The following GNAL variants were observed in gnomAD, a reference collection of about 807,000 sequenced individuals.
The protein encoded by GNAL is guanine nucleotide-binding protein G(olf) subunit alpha.
GNAL carries 18 observed loss-of-function variants against 55.1 expected under a neutral mutation model. That is an observed-to-expected ratio of 0.33 (90% CI 0.23 to 0.48). The LOEUF (loss-of-function observed/expected upper bound fraction) is 0.48, where lower values mean the gene tolerates loss of function less well. Among genes scored for constraint, GNAL ranks in the 20% least tolerant of loss-of-function variants. The pLI, the probability that GNAL is intolerant of heterozygous loss-of-function variation, is 0.99. For synonymous variants in GNAL, 253 were observed against 237.0 expected (o/e 1.07, Z -0.62); for missense variants, 412 against 614.1 (o/e 0.67, Z 3.48).
intron 5 of GNAL, among the ~76,000 whole-genome samples, chr18:11,850,311 C>T (rs2035829363): frequency 6.6e-6 from 1 of 152,150 alleles, no homozygotes; most frequent in Non-Finnish European, 1.5e-5. Flanking sequence ...TTCAGAAGGT[C>T]TTGTGTTGTG....
At position 11,865,293 on chromosome 18, in the gene GNAL, C is replaced by T. The variant is rs547653935; in HGVS notation, c.851+687C>T. On this transcript the variant is annotated intron_variant, in intron 7 of 11. Transcript: ENST00000334049. Reference sequence around the variant, plus strand: ...CCAAGCCCTCTGCCTATGACCAGCCCCGTCCCCAGGCCTGCTTTGTCCCCT... The same window carrying T: ...CCAAGCCCTCTGCCTATGACCAGCCTCGTCCCCAGGCCTGCTTTGTCCCCT... Among the ~76,000 whole-genome samples, 9 of 149,680 alleles carry T rather than the reference C, an allele frequency of 6.0e-5. No homozygotes were observed. The East Asian group carries it at 1.5e-3, about 26-fold the overall frequency.
chr18:11,729,238 G>A (rs779906994), intron 1 of GNAL, among the ~76,000 whole-genome samples: 5 of 152,144 alleles, frequency 3.3e-5, no homozygotes, highest in East Asian at 1.9e-4. Context: ...TTTCCTGAGC[G>A]GTTAGAAGGA....
chr18:11,869,090 C>T (rs1392232501), intron 9 of GNAL, among the ~76,000 whole-genome samples: 1 of 151,984 alleles, frequency 6.6e-6, no homozygotes, highest in Non-Finnish European at 1.5e-5. Context: ...CGAAGTATCT[C>T]TTTTAGTTCA....
At chr18:11,847,691 C>T (rs528109580) in intron 5 of GNAL, among the ~76,000 whole-genome samples, 57 of 152,028 alleles carry the variant, frequency 3.7e-4, no homozygotes, top group Middle Eastern at 3.4e-3. Context: ...TCAATGTTAA[C>T]GTGGTAGTTG....
intron 1 of GNAL, among the ~76,000 whole-genome samples, chr18:11,727,050 C>A (rs1351973501): frequency 1.3e-5 from 2 of 152,074 alleles, no homozygotes; most frequent in Admixed American, 1.3e-4. Flanking sequence ...TGTGCGTCCT[C>A]CACACCCCCA....
At chr18:11,784,318 T>C (rs1215729368) in intron 4 of GNAL, among the ~76,000 whole-genome samples, 1 of 152,220 alleles carries the variant, frequency 6.6e-6, no homozygotes, top group East Asian at 1.9e-4. Flanking sequence ...TCCCTTGTCA[T>C]CCACCATGGC....
At chr18:11,793,099 A>G (rs2034280723) in intron 4 of GNAL, among the ~76,000 whole-genome samples, 1 of 152,242 alleles carries the variant, frequency 6.6e-6, no homozygotes, top group South Asian at 2.1e-4. Context: ...TGGATTTGGC[A>G]GTGATTTCTT....
chr18:11,790,657 T>C (rs1443239663), intron 4 of GNAL, among the ~76,000 whole-genome samples: 3 of 55,088 alleles, frequency 5.4e-5, no homozygotes, highest in Non-Finnish European at 7.7e-5. Context: ...TTTTCTTTTT[T>C]TTTCTTTTTT....
intron 5 of GNAL, chr18:11,851,472 C>T: frequency 6.7e-7 from 1 of 1,494,706 alleles, no homozygotes; most frequent in Non-Finnish European, 8.9e-7. Flanking sequence ...CTTCGGCGCG[C>T]TTCTCAGCCG....
chr18:11,744,709 G>A (rs1206632445), intron 1 of GNAL, among the ~76,000 whole-genome samples: 4 of 152,106 alleles, frequency 2.6e-5, no homozygotes, highest in African/African-American at 9.7e-5. Context: ...TTCACCTTTC[G>A]TAAACTGTTT....
intron 1 of GNAL, among the ~76,000 whole-genome samples, chr18:11,749,100 T>C (rs1168271246): frequency 7.7e-6 from 1 of 129,810 alleles, no homozygotes; most frequent in Non-Finnish European, 1.5e-5. Flanking sequence ...CACTCCAGCC[T>C]GGGCAACAGA....
At chr18:11,852,733 C>G (rs1263467238) in intron 5 of GNAL, 3 of 166,212 alleles carry the variant, frequency 1.8e-5, no homozygotes, top group African/African-American at 7.3e-5. Flanking sequence ...TTGCATAATA[C>G]TCTCTTACTG....
Position 11,881,274 on chromosome 18 carries a change from T to A in GNAL, c.*139T>A. 1 of 805,176 alleles carries A rather than the reference T, an allele frequency of 1.2e-6. No homozygotes were observed. Among genetic ancestry groups the A allele is most frequent in the Non-Finnish European group, 1.9e-6 (1 of 524,206 alleles). The allele number at this position is 805,176 out of a possible 1,614,324, so 49.9% of individuals were successfully genotyped here. ...CTGTGTCGACCACCAAGCCTCTGGC[T>A]ACCTCTGTCCCCTCAGGTTTGGTTG... On this transcript the variant is annotated 3_prime_UTR_variant, in exon 12 of 12. Coordinates refer to ENST00000334049, the MANE Select transcript of GNAL (RefSeq NM_182978.4). This position sits in a 1 kb window ranked among gnomAD's most constrained non-coding sequence, Gnocchi z 4.8.
chr18:11,736,303 G>A (rs547242677), intron 1 of GNAL, among the ~76,000 whole-genome samples: 1 of 152,298 alleles, frequency 6.6e-6, no homozygotes, highest in African/African-American at 2.4e-5. Flanking sequence ...GCCAAGGCGG[G>A]AGGATCACTT....
intron 1 of GNAL, among the ~76,000 whole-genome samples, chr18:11,728,894 G>A (rs1285036388): frequency 1.3e-5 from 2 of 152,162 alleles, no homozygotes; most frequent in Non-Finnish European, 2.9e-5. Flanking sequence ...TTGGGAGCCT[G>A]CTGATGAAAG....
chr18:11,827,696 G>C (rs542194097), intron 5 of GNAL, among the ~76,000 whole-genome samples: 1 of 151,956 alleles, frequency 6.6e-6, no homozygotes, highest in South Asian at 2.1e-4. Flanking sequence ...AAATAGCTGG[G>C]TGTGGTGGCT....
At chr18:11,873,879 CCAGGCCCTTCCCT>C (rs951138934) in intron 10 of GNAL, among the ~76,000 whole-genome samples, 1 of 152,188 alleles carries the variant, frequency 6.6e-6, no homozygotes, top group Non-Finnish European at 1.5e-5. Flanking sequence ...GTCTGCCTCC[CCAGGCCCTTCCCT>C]CTTTCCCTCC....
At chr18:11,852,939 A>T (rs1341068338) in intron 5 of GNAL, 1 of 166,956 alleles carries the variant, frequency 6.0e-6, no homozygotes, top group African/African-American at 2.4e-5. Context: ...GTTTATAGTT[A>T]TTTTCCTGTT....
In GNAL at chr18:11,689,770, C is replaced by CA; in HGVS notation, c.209dup (p.Pro71AlafsTer59). 2.0e-6 allele frequency: 3 copies of CA among 1,522,436 alleles called. No homozygotes were observed. The highest frequency in any genetic ancestry group is 2.6e-6 in the Non-Finnish European group (3 of 1,138,480). The allele number at this position is 1,522,436 out of a possible 1,614,324, so 94.3% of individuals were successfully genotyped here. ...CGGCATGCGCTCGGCCCAAAGCAGA[C>CA]AAGCCGAAGGAGAAGCGGCAGCGCA... On this transcript the variant is annotated frameshift_variant, in exon 1 of 12. Transcript: ENST00000334049. LOFTEE classifies it high-confidence loss of function.
Sources: gnomAD v4.1 joint callset for allele counts (sites outside exome capture counted in the v4.1 genomes callset) on GRCh38, gnomAD v4.1.1 for gene constraint, Gnocchi (gnomAD v3.1) non-coding constraint, MANE v1.5 for transcripts, NCBI Gene and HGNC (gene_info 2026-07-23, HGNC 2026-07-21) for gene names.